CACNA2D1: variants seen among roughly 807,000 people sequenced by gnomAD.
CACNA2D1 encodes calcium voltage-gated channel auxiliary subunit alpha2delta 1.
A neutral mutation model predicts 171.5 loss-of-function variants in CACNA2D1; 53 were observed. That is an observed-to-expected ratio of 0.31 (90% CI 0.25 to 0.39). CACNA2D1 has a LOEUF of 0.39. Among genes scored for constraint, CACNA2D1 ranks in the 10% least tolerant of loss-of-function variants. CACNA2D1 has a pLI of 1.00. For synonymous variants in CACNA2D1, 442 were observed against 443.1 expected (o/e 1.00, Z 0.03); for missense variants, 903 against 1,299.8 (o/e 0.69, Z 4.69).
chr7:82,178,737 A>C (rs1788153170), intron 3 of CACNA2D1, among the ~76,000 whole-genome samples: 1 of 152,110 alleles, frequency 6.6e-6, no homozygotes, highest in African/African-American at 2.4e-5. Flanking sequence ...GAGACAACAA[A>C]ACAGTCCATG....
At chr7:82,125,066 G>A (rs1295941069) in intron 5 of CACNA2D1, among the ~76,000 whole-genome samples, 1 of 152,134 alleles carries the variant, frequency 6.6e-6, no homozygotes, top group African/African-American at 2.4e-5. Context: ...ATTTAGATAG[G>A]AGATTATGTT....
intron 3 of CACNA2D1, among the ~76,000 whole-genome samples, chr7:82,311,955 A>G (rs974518008): frequency 6.6e-6 from 1 of 152,174 alleles, no homozygotes; most frequent in Non-Finnish European, 1.5e-5. Context: ...ACCTCAACAT[A>G]TTTTAAGGAC....
At chr7:82,060,181 A>ACCCTAAAACTTAAAT (rs1562981435) in intron 10 of CACNA2D1, among the ~76,000 whole-genome samples, 6 of 21,868 alleles carry the variant, frequency 2.7e-4, no homozygotes, top group African/African-American at 1.1e-3. Flanking sequence ...TATATATAAT[A>ACCCTAAAACTTAAAT]TATATATATT....
At chr7:82,320,324 TA>T (rs1481752560) in intron 3 of CACNA2D1, among the ~76,000 whole-genome samples, 1 of 152,094 alleles carries the variant, frequency 6.6e-6, no homozygotes, top group African/African-American at 2.4e-5. Flanking sequence ...TTCTGTTATT[TA>T]AAAATAAACA....
intron 21 of CACNA2D1, among the ~76,000 whole-genome samples, chr7:81,990,324 T>C (rs1797414315): frequency 6.6e-6 from 1 of 152,176 alleles, no homozygotes; most frequent in South Asian, 2.1e-4. Flanking sequence ...GCTTATGTTT[T>C]TTCTTTTAAA....
At chr7:82,069,803 C>G (rs990853609) in intron 7 of CACNA2D1, among the ~76,000 whole-genome samples, 2 of 151,778 alleles carry the variant, frequency 1.3e-5, no homozygotes, top group Non-Finnish European at 2.9e-5. Context: ...CAAATGACAG[C>G]TAATTGCATT....
chr7:82,230,586 A>G (rs1802825651), intron 3 of CACNA2D1, among the ~76,000 whole-genome samples: 1 of 152,204 alleles, frequency 6.6e-6, no homozygotes, highest in South Asian at 2.1e-4. Flanking sequence ...CTCAACTAAA[A>G]CTGAAGAAGG....
At chr7:82,212,313 G>T (rs746232446) in intron 3 of CACNA2D1, among the ~76,000 whole-genome samples, 2 of 152,132 alleles carry the variant, frequency 1.3e-5, no homozygotes, top group Non-Finnish European at 2.9e-5. Context: ...TAGGTTAAGT[G>T]TATTCCATGC....
intron 3 of CACNA2D1, among the ~76,000 whole-genome samples, chr7:82,289,187 A>C (rs1371942836): frequency 1.3e-5 from 2 of 152,236 alleles, no homozygotes; most frequent in African/African-American, 2.4e-5. Context: ...AAAAAAGTAC[A>C]ATAAGACCTA....
At chr7:82,204,550 T>C (rs1799817044) in intron 3 of CACNA2D1, among the ~76,000 whole-genome samples, 1 of 148,748 alleles carries the variant, frequency 6.7e-6, no homozygotes, top group African/African-American at 2.6e-5. Flanking sequence ...TAACCTGGAG[T>C]TGTTGTTCCC....
In CACNA2D1 at chr7:81,950,228, C is replaced by G. The variant is rs1792362365; in HGVS notation, c.*164G>C. 8.3e-7 allele frequency: 1 copy of G among 1,207,318 alleles called. No homozygotes were observed. Among genetic ancestry groups the G allele is most frequent in the South Asian group, 1.4e-5 (1 of 71,878 alleles). 74.8% of individuals were successfully genotyped at this position (1,207,318 alleles called of 1,614,324 possible). A position where few individuals can be genotyped will look rare whatever the true frequency, so the allele number is the denominator to read the frequency against. On this transcript the variant is annotated 3_prime_UTR_variant, in exon 39 of 39. Coordinates refer to ENST00000356860, the MANE Select transcript of CACNA2D1 (RefSeq NM_000722.4). ...AAGGATCTGACACCCTGACATGCAG[C>G]CAGTGGGTGCCTTAGGAGTCTGCGC...
intron 1 of CACNA2D1, among the ~76,000 whole-genome samples, chr7:82,389,606 C>T (rs1206808508): frequency 6.6e-6 from 1 of 152,088 alleles, no homozygotes; most frequent in Admixed American, 6.6e-5. Context: ...AGGAAGCTGG[C>T]CCACTTAGCT....
At chr7:82,162,421 T>G (rs1563140292) in intron 4 of CACNA2D1, among the ~76,000 whole-genome samples, 1 of 152,024 alleles carries the variant, frequency 6.6e-6, no homozygotes, top group Non-Finnish European at 1.5e-5. Flanking sequence ...TAGGCTGGTT[T>G]GGAAGGTTGT....
intron 3 of CACNA2D1, among the ~76,000 whole-genome samples, chr7:82,269,937 T>C (rs1808396054): frequency 1.3e-5 from 2 of 152,108 alleles, no homozygotes; most frequent in African/African-American, 2.4e-5. Flanking sequence ...CTAAAATCAC[T>C]CCAATGTTTT....
chr7:82,178,923 G>T (rs1458398340), intron 3 of CACNA2D1, among the ~76,000 whole-genome samples: 1 of 152,060 alleles, frequency 6.6e-6, no homozygotes, highest in Non-Finnish European at 1.5e-5. Context: ...CAGTAAGTGT[G>T]TATGGAAATG....
intron 3 of CACNA2D1, among the ~76,000 whole-genome samples, chr7:82,327,355 C>T (rs1362635476): frequency 1.3e-5 from 2 of 152,110 alleles, no homozygotes; most frequent in South Asian, 2.1e-4. Context: ...TGCCTACCTA[C>T]GTATATCTTA....
At chr7:81,968,739 T>C in intron 29 of CACNA2D1, 148 bp downstream of exon 29, 1 of 588,866 alleles carries the variant, frequency 1.7e-6, no homozygotes, top group Non-Finnish European at 3.0e-6. Context: ...TAACTAGTCA[T>C]ATTTTATTTA....
At chr7:82,368,110 A>T (rs7795508) in intron 1 of CACNA2D1, among the ~76,000 whole-genome samples, 11,679 of 152,184 alleles carry the variant, frequency 0.077, 1,383 homozygotes, top group African/African-American at 0.26. Flanking sequence ...ATCCAGCAAC[A>T]TACTTAAAAG....
chr7:82,361,641 G>A (rs1563428377), intron 1 of CACNA2D1, among the ~76,000 whole-genome samples: 1 of 152,094 alleles, frequency 6.6e-6, no homozygotes, highest in Admixed American at 6.6e-5. Context: ...AAAATATTAG[G>A]CAGAAAAAGC....
Sources: allele counts gnomAD v4.1 joint callset (sites outside exome capture counted in the v4.1 genomes callset), GRCh38; gene constraint gnomAD v4.1.1; transcripts MANE v1.5; gene names NCBI Gene and HGNC (gene_info 2026-07-23, HGNC 2026-07-21).